Variants in UBE2G1 observed in about 807,000 individuals in gnomAD.
UBE2G1 encodes the protein ubiquitin-conjugating enzyme E2 G1.
Under a neutral mutation model 22.7 loss-of-function variants are expected in UBE2G1, and 5 were observed. The observed-to-expected ratio is 0.22, with a 90% CI of 0.12 to 0.46. The LOEUF (loss-of-function observed/expected upper bound fraction) is 0.46, where lower values mean the gene tolerates loss of function less well. Ranked by LOEUF, UBE2G1 falls within the 20% of genes least tolerant of loss-of-function variation. The pLI is 0.99. For synonymous variants in UBE2G1, 74 were observed against 67.5 expected, an observed-to-expected ratio of 1.10 and a Z score of -0.47; for missense variants, 88 against 203.9, an observed-to-expected ratio of 0.43 and a Z score of 3.46.
At position 4,332,793 on chromosome 17, in the gene UBE2G1, C is replaced by T. The variant is rs552631531; in HGVS notation, c.47-25670G>A. 4.3e-4 allele frequency among the ~76,000 whole-genome samples: 66 copies of T among 152,328 alleles called. 2 individuals are homozygous for T. In the South Asian group the frequency reaches 0.013, roughly 31 times the overall value. On this transcript the variant is annotated intron_variant, in intron 1 of 5. Coordinates refer to ENST00000396981, the MANE Select transcript of UBE2G1 (RefSeq NM_003342.5). ...GGCCCTTGTGCTTGCCTCACCTAACCTCTGCATGATTCACTCATTCACCTG... is the reference window on the plus strand; with the variant it reads ...GGCCCTTGTGCTTGCCTCACCTAACTTCTGCATGATTCACTCATTCACCTG...
At chr17:4,308,389 G>GTGGTGTGTGCCTGT (rs537900118) in intron 1 of UBE2G1, among the ~76,000 whole-genome samples, 486 of 151,994 alleles carry the variant, frequency 3.2e-3, no homozygotes, top group Non-Finnish European at 6.0e-3. Context: ...GCTGGGCATG[G>GTGGTGTGTGCCTGT]TGGTGTGTGC....
intron 1 of UBE2G1, among the ~76,000 whole-genome samples, chr17:4,320,890 A>C (rs534418344): frequency 6.6e-6 from 1 of 152,304 alleles, no homozygotes; most frequent in Non-Finnish European, 1.5e-5. Context: ...AAATATAAAT[A>C]ATGCTGCCTA....
intron 2 of UBE2G1, among the ~76,000 whole-genome samples, chr17:4,303,228 TG>T (rs1969207003): frequency 6.6e-6 from 1 of 152,182 alleles, no homozygotes; most frequent in Non-Finnish European, 1.5e-5. Flanking sequence ...CCTTCTGAGT[TG>T]ATTTTTCTGT....
chr17:4,342,269 T>A (rs1216481166), intron 1 of UBE2G1, among the ~76,000 whole-genome samples: 1 of 152,234 alleles, frequency 6.6e-6, no homozygotes, highest in Non-Finnish European at 1.5e-5. Context: ...TCCTTTCAGA[T>A]GTTCAGGCCA....
At chr17:4,298,423 ATAGT>A (rs1233581912) in intron 2 of UBE2G1, among the ~76,000 whole-genome samples, 10 of 152,258 alleles carry the variant, frequency 6.6e-5, no homozygotes, top group South Asian at 4.1e-4. Context: ...TTAACTAACA[ATAGT>A]TAGTGTTACG....
intron 5 of UBE2G1, among the ~76,000 whole-genome samples, chr17:4,280,336 CTTTTTTTTTTTT>C (rs71144178): frequency 2.9e-5 from 2 of 68,950 alleles, no homozygotes; most frequent in African/African-American, 6.6e-5. Context: ...GGCACCTGGG[CTTTTTTTTTTTT>C]TTTTTTTTTT....
intron 1 of UBE2G1, among the ~76,000 whole-genome samples, chr17:4,343,643 T>C (rs534573728): frequency 3.3e-5 from 5 of 151,372 alleles, no homozygotes; most frequent in South Asian, 2.1e-4. Context: ...GGCTGGAGTG[T>C]GGTGGCGCAA....
chr17:4,279,785 T>TATA (rs1968862385), intron 5 of UBE2G1, among the ~76,000 whole-genome samples: 1 of 68,852 alleles, frequency 1.5e-5, no homozygotes, highest in Non-Finnish European at 3.4e-5. Flanking sequence ...CAAAAAAAAG[T>TATA]TATATATATA....
rs1247460963 is a variant in UBE2G1 at position 4,320,610 on chromosome 17, T to C, written c.47-13487A>G. Among the ~76,000 whole-genome samples the C allele has an allele frequency of 2.6e-4, 39 of 152,230 alleles. 1 individual carries two copies. The highest frequency in any genetic ancestry group is 2.6e-3 in the Admixed American group (39 of 15,284). On this transcript the variant is annotated intron_variant, in intron 1 of 5. Transcript: ENST00000396981. Reference sequence around the variant, plus strand: ...AGTAGTAGAATATTTTCAACTTTCTTTTATGTACTTTGATTTTTTAAATTA... The same window carrying C: ...AGTAGTAGAATATTTTCAACTTTCTCTTATGTACTTTGATTTTTTAAATTA...
In UBE2G1 at chr17:4,290,205, ATTT is replaced by A. The variant is rs548367069; in HGVS notation, c.248-800_248-798del. 2.0e-4 allele frequency among the ~76,000 whole-genome samples: 30 copies of A among 152,298 alleles called. 1 individual carries two copies. In the South Asian group the frequency reaches 6.2e-3, roughly 32 times the overall value. ...TTATGGTAACATTTACCCACCGTAA[ATTT>A]TTTTAAAAATCATACTTTGAGGAAG... is the stretch of plus-strand genomic sequence containing the variant. On this transcript the variant is annotated intron_variant, in intron 3 of 5. Coordinates refer to ENST00000396981, the MANE Select transcript of UBE2G1 (RefSeq NM_003342.5).
chr17:4,310,268 T>A (rs1206957565), intron 1 of UBE2G1, among the ~76,000 whole-genome samples: 1 of 152,204 alleles, frequency 6.6e-6, no homozygotes, highest in Non-Finnish European at 1.5e-5. Flanking sequence ...TATCTACATC[T>A]TCTGGCACTT....
intron 2 of UBE2G1, among the ~76,000 whole-genome samples, chr17:4,306,587 AAT>A (rs1219882782): frequency 9.2e-5 from 14 of 152,230 alleles, no homozygotes; most frequent in African/African-American, 3.1e-4. Context: ...AAGGATATTG[AAT>A]ACAGCCATTT....
At chr17:4,352,846 G>A (rs561390373) in intron 1 of UBE2G1, among the ~76,000 whole-genome samples, 17 of 152,212 alleles carry the variant, frequency 1.1e-4, no homozygotes, top group Middle Eastern at 3.4e-3. Context: ...AGGCCGAGGC[G>A]GGCAGACTGC....
rs573926891 is a variant in UBE2G1, at chr17:4,301,761, C to T, written c.150-4947G>A. On this transcript the variant is annotated intron_variant, in intron 2 of 5. Coordinates refer to ENST00000396981, the MANE Select transcript of UBE2G1 (RefSeq NM_003342.5). ...GGGAGTGCTCAGCAGTTGCCCAGGA[C>T]ATATGCTGTCAGCTGGTTTAAAGAC... 90 of 620,628 alleles carry T rather than the reference C, an allele frequency of 1.5e-4. No individual in the cohort carries two copies. In the African/African-American group the frequency reaches 1.6e-3, roughly 11 times the overall value. The allele number at this position is 620,628 out of a possible 1,614,324, so 38.4% of individuals were successfully genotyped here. A position where few individuals can be genotyped will look rare whatever the true frequency, so the allele number is the denominator to read the frequency against.
chr17:4,314,936 G>A (rs1233156976), intron 1 of UBE2G1, among the ~76,000 whole-genome samples: 1 of 152,178 alleles, frequency 6.6e-6, no homozygotes, highest in African/African-American at 2.4e-5. Context: ...AGAGAGAAAT[G>A]AATTCAAACT....
At chr17:4,284,838 C>CT (rs1176508350) in intron 4 of UBE2G1, among the ~76,000 whole-genome samples, 11 of 22,318 alleles carry the variant, frequency 4.9e-4, no homozygotes, top group African/African-American at 1.0e-3. Flanking sequence ...TCTTTTCTTT[C>CT]TTTTTTTTTT....
At chr17:4,338,156 C>T (rs1413048759) in intron 1 of UBE2G1, among the ~76,000 whole-genome samples, 1 of 145,694 alleles carries the variant, frequency 6.9e-6, no homozygotes, top group Non-Finnish European at 1.5e-5. Flanking sequence ...GGCGACAGAG[C>T]GAGACTCCAT....
chr17:4,277,666 A>C (rs1385181243), intron 5 of UBE2G1, among the ~76,000 whole-genome samples: 1 of 152,204 alleles, frequency 6.6e-6, no homozygotes, highest in Admixed American at 6.5e-5. Flanking sequence ...AATGTAGATA[A>C]ATATGTATTT....
chr17:4,357,982 G>C (rs1445869977), intron 1 of UBE2G1, among the ~76,000 whole-genome samples: 1 of 151,448 alleles, frequency 6.6e-6, no homozygotes, highest in African/African-American at 2.4e-5. Context: ...CAAAGAGAGA[G>C]AGACCCTGTC....
Sources: gnomAD v4.1 joint callset for allele counts (sites outside exome capture counted in the v4.1 genomes callset) on GRCh38, gnomAD v4.1.1 for gene constraint, MANE v1.5 for transcripts, NCBI Gene and HGNC (gene_info 2026-07-23, HGNC 2026-07-21) for gene names.